SNTG1: variants seen among roughly 807,000 people sequenced by gnomAD.
SNTG1 encodes gamma-1-syntrophin.
A neutral mutation model predicts 74.7 loss-of-function variants in SNTG1; 39 were observed. The ratio of observed to expected loss-of-function variants is 0.52; its 90% CI spans 0.40 to 0.68. The LOEUF (loss-of-function observed/expected upper bound fraction) is 0.68, where lower values mean the gene tolerates loss of function less well. Among genes scored for constraint, SNTG1 ranks in the 30% least tolerant of loss-of-function variants. The probability of loss-of-function intolerance (pLI) is 0.00; values close to 1 mark genes in which losing one functional copy is unlikely to be tolerated. For missense variants in SNTG1, 685 were observed against 609.5 expected, an observed-to-expected ratio of 1.12 and a Z score of -1.30; for synonymous variants, 254 against 217.1, an observed-to-expected ratio of 1.17 and a Z score of -1.49.
chr8:50,482,727 A>G (rs1374457022), intron 8 of SNTG1, among the ~76,000 whole-genome samples: 1 of 152,184 alleles, frequency 6.6e-6, no homozygotes, highest in East Asian at 1.9e-4. Context: ...CCTCTGAAAA[A>G]TGCAATTATG....
intron 12 of SNTG1, among the ~76,000 whole-genome samples, chr8:50,554,270 T>C (rs1286581811): frequency 6.6e-6 from 1 of 152,122 alleles, no homozygotes; most frequent in African/African-American, 2.4e-5. Flanking sequence ...CCTCTGGGAA[T>C]GGGGTTGACA....
At chr8:50,651,132 T>G (rs1315640578) in intron 13 of SNTG1, among the ~76,000 whole-genome samples, 1 of 152,222 alleles carries the variant, frequency 6.6e-6, no homozygotes, top group Non-Finnish European at 1.5e-5. Flanking sequence ...GTATTTACAT[T>G]ATTATTCTCT....
intron 13 of SNTG1, among the ~76,000 whole-genome samples, chr8:50,642,394 C>A (rs1049231752): frequency 2.0e-5 from 3 of 152,160 alleles, no homozygotes; most frequent in Non-Finnish European, 4.4e-5. Flanking sequence ...CTCCTCTGTT[C>A]AAACCCTCCA....
rs58103614 is a variant in SNTG1 at position 50,376,756 on chromosome 8, T to TAGAGAGAGAGAGAGAG, written c.-27-17442_-27-17427dup. 3.9e-3 allele frequency among the ~76,000 whole-genome samples: 355 copies of TAGAGAGAGAGAGAGAG among 89,926 alleles called. 4 individuals carry two copies. Among genetic ancestry groups the TAGAGAGAGAGAGAGAG allele is most frequent in the Middle Eastern group, 0.023 (3 of 132 alleles). 59.0% of individuals were successfully genotyped at this position (89,926 alleles called of 152,430 possible). On this transcript the variant is annotated intron_variant, in intron 2 of 18. Coordinates refer to ENST00000642720, the MANE Select transcript of SNTG1 (RefSeq NM_018967.5). ...ATATATATATATATATATATATATA[T>TAGAGAGAGAGAGAGAG]AGAGAGAGAGAGAGAGAGAGAGAGA...
At chr8:50,712,877 C>A (rs1201792578) in intron 17 of SNTG1, among the ~76,000 whole-genome samples, 1 of 152,128 alleles carries the variant, frequency 6.6e-6, no homozygotes, top group African/African-American at 2.4e-5. Context: ...TGTATATGTG[C>A]CACATTTTCT....
chr8:50,515,893 G>A (rs188939708), intron 9 of SNTG1, among the ~76,000 whole-genome samples: 445 of 152,124 alleles, frequency 2.9e-3, no homozygotes, highest in Non-Finnish European at 5.1e-3. Flanking sequence ...AGACTTAAAC[G>A]TTCCTGCCTG....
intron 2 of SNTG1, among the ~76,000 whole-genome samples, chr8:50,275,560 C>T (rs1044882447): frequency 6.6e-6 from 1 of 152,160 alleles, no homozygotes; most frequent in South Asian, 2.1e-4. Flanking sequence ...GTGCAGGTAA[C>T]TTAAACCCCT....
intron 1 of SNTG1, among the ~76,000 whole-genome samples, chr8:50,076,572 T>A (rs1428777468): frequency 6.6e-6 from 1 of 152,142 alleles, no homozygotes; most frequent in African/African-American, 2.4e-5. Flanking sequence ...CTAATATATA[T>A]TTAGGCCTAA....
At chr8:50,288,783 A>G (rs573779191) in intron 2 of SNTG1, among the ~76,000 whole-genome samples, 4 of 152,294 alleles carry the variant, frequency 2.6e-5, no homozygotes, top group South Asian at 4.1e-4. Flanking sequence ...GTCATTTCAG[A>G]GGTTAATGTA....
chr8:50,687,008 G>A (rs1306182566), intron 15 of SNTG1, among the ~76,000 whole-genome samples: 25 of 151,390 alleles, frequency 1.7e-4, no homozygotes, highest in African/African-American at 5.1e-4. Flanking sequence ...AGTGGCGGGC[G>A]CCTGTAGTCC....
At chr8:50,545,203 T>C (rs2094378181) in intron 11 of SNTG1, among the ~76,000 whole-genome samples, 1 of 151,824 alleles carries the variant, frequency 6.6e-6, no homozygotes, top group Admixed American at 6.6e-5. Context: ...TGTGTTACAG[T>C]CATGTACTAT....
intron 12 of SNTG1, among the ~76,000 whole-genome samples, chr8:50,588,741 T>G (rs1380825241): frequency 6.6e-6 from 1 of 152,188 alleles, no homozygotes; most frequent in African/African-American, 2.4e-5. Flanking sequence ...TGAAAAGTTA[T>G]GATGATATCA....
intron 1 of SNTG1, among the ~76,000 whole-genome samples, chr8:50,155,378 A>AAAT (rs1410507604): frequency 6.6e-6 from 1 of 152,208 alleles, no homozygotes; most frequent in African/African-American, 2.4e-5. Flanking sequence ...CAGTAAACAA[A>AAAT]AATAATCTCA....
At chr8:50,124,945 C>T (rs1011804425) in intron 1 of SNTG1, among the ~76,000 whole-genome samples, 19 of 141,644 alleles carry the variant, frequency 1.3e-4, no homozygotes, top group African/African-American at 4.8e-4. Context: ...TTGCACTGAA[C>T]ATATGTTATC....
At chr8:49,981,988 A>G (rs975148952) in intron 1 of SNTG1, among the ~76,000 whole-genome samples, 1 of 152,164 alleles carries the variant, frequency 6.6e-6, no homozygotes, top group Non-Finnish European at 1.5e-5. Context: ...CTTCTTAAAA[A>G]AATAACTAAT....
At chr8:50,288,566 T>A (rs1208567622) in intron 2 of SNTG1, among the ~76,000 whole-genome samples, 1 of 152,142 alleles carries the variant, frequency 6.6e-6, no homozygotes, top group African/African-American at 2.4e-5. Context: ...CGACATTAGA[T>A]GAACAATGAA....
chr8:50,248,990 T>C (rs2086523526), intron 2 of SNTG1, among the ~76,000 whole-genome samples: 1 of 152,146 alleles, frequency 6.6e-6, no homozygotes. Flanking sequence ...AAAATTCCTG[T>C]GGAGCATGGG....
chr8:50,245,744 C>T (rs1444758653), intron 2 of SNTG1, among the ~76,000 whole-genome samples: 1 of 152,072 alleles, frequency 6.6e-6, no homozygotes, highest in East Asian at 1.9e-4. Context: ...ATGTAAAGTC[C>T]TCTTCTCATT....
intron 13 of SNTG1, among the ~76,000 whole-genome samples, chr8:50,614,125 A>C (rs2094870458): frequency 6.6e-6 from 1 of 152,154 alleles, no homozygotes; most frequent in Admixed American, 6.5e-5. Flanking sequence ...ACATTTATTT[A>C]GATATTATTT....
Sources: gnomAD v4.1 joint callset for allele counts (sites outside exome capture counted in the v4.1 genomes callset) on GRCh38, gnomAD v4.1.1 for gene constraint, MANE v1.5 for transcripts, NCBI Gene and HGNC (gene_info 2026-07-23, HGNC 2026-07-21) for gene names.